ENTREP2: variants seen among roughly 807,000 people sequenced by gnomAD.
ENTREP2 encodes endosomal transmembrane epsin interactor 2, also known as protein ENTREP2.
the ENTREP2 span, among the ~76,000 whole-genome samples, chr15:29,474,894 G>A: frequency 2.0e-5 from 3 of 151,940 alleles, no homozygotes; most frequent in Non-Finnish European, 4.4e-5. Context: ...TGTAGATGTC[G>A]TATCTTGCTC....
At chr15:29,661,407 G>A in the ENTREP2 span, among the ~76,000 whole-genome samples, 1 of 151,990 alleles carries the variant, frequency 6.6e-6, no homozygotes, top group South Asian at 2.1e-4. Context: ...CAGCATGTTG[G>A]CCAGGCTGGT....
At chr15:29,619,528 C>A in the ENTREP2 span, among the ~76,000 whole-genome samples, 1 of 152,054 alleles carries the variant, frequency 6.6e-6, no homozygotes, top group Non-Finnish European at 1.5e-5. Flanking sequence ...CTGGGACACA[C>A]ACAAACCCAG....
the ENTREP2 span, among the ~76,000 whole-genome samples, chr15:29,257,339 C>T: frequency 5.3e-5 from 8 of 152,306 alleles, no homozygotes; most frequent in African/African-American, 1.9e-4. Context: ...TCCCAAAGTG[C>T]TGGGATTACA....
the ENTREP2 span, chr15:29,151,868 C>T: frequency 6.6e-7 from 1 of 1,512,012 alleles, no homozygotes; most frequent in Non-Finnish European, 9.0e-7. Context: ...AGGAGAATGT[C>T]AGCCTCATCC....
At chr15:29,196,365 G>T in the ENTREP2 span, 2 of 1,516,534 alleles carry the variant, frequency 1.3e-6, no homozygotes, top group Non-Finnish European at 1.8e-6. Context: ...TGTTAATAAG[G>T]CTTCCTAAAC....
At chr15:29,483,093 T>C in the ENTREP2 span, among the ~76,000 whole-genome samples, 2 of 152,264 alleles carry the variant, frequency 1.3e-5, no homozygotes, top group Non-Finnish European at 1.5e-5. Flanking sequence ...TAATGATATA[T>C]GATGTTGAAC....
chr15:29,184,417 G>T, the ENTREP2 span, among the ~76,000 whole-genome samples: 1 of 152,152 alleles, frequency 6.6e-6, no homozygotes, highest in Non-Finnish European at 1.5e-5. Flanking sequence ...GCTCTGCTGC[G>T]ATTCTTCAGG....
chr15:29,570,945 G>GCCGC, the ENTREP2 span, among the ~76,000 whole-genome samples: 45 of 144,662 alleles, frequency 3.1e-4, no homozygotes, highest in African/African-American at 7.2e-4. Flanking sequence ...CCGCCGCCGC[G>GCCGC]CCGCCCGCCC....
the ENTREP2 span, among the ~76,000 whole-genome samples, chr15:29,591,832 G>GAGAGGAAGAAGAAGA: frequency 7.1e-6 from 1 of 140,100 alleles, no homozygotes; most frequent in African/African-American, 2.7e-5. Flanking sequence ...CATCTCAAAA[G>GAGAGGAAGAAGAAGA]AGAAGAAGAA....
the ENTREP2 span, among the ~76,000 whole-genome samples, chr15:29,303,191 C>T: frequency 2.6e-5 from 4 of 152,328 alleles, no homozygotes; most frequent in East Asian, 5.8e-4. Context: ...TCCTTCTCAG[C>T]CCCAGGCATA....
At chr15:29,367,147 G>A in the ENTREP2 span, among the ~76,000 whole-genome samples, 2 of 152,128 alleles carry the variant, frequency 1.3e-5, no homozygotes, top group Admixed American at 1.3e-4. Flanking sequence ...GCTGAATCTC[G>A]GTAAGAACAG....
chr15:29,511,161 C>T, the ENTREP2 span, among the ~76,000 whole-genome samples: 1 of 151,858 alleles, frequency 6.6e-6, no homozygotes, highest in African/African-American at 2.4e-5. Flanking sequence ...TGCAGGTCTG[C>T]ACATGTATCC....
chr15:29,230,942 G>A, the ENTREP2 span, among the ~76,000 whole-genome samples: 1 of 152,178 alleles, frequency 6.6e-6, no homozygotes, highest in East Asian at 1.9e-4. Context: ...GCTGCTGGTA[G>A]AGAATAGATT....
the ENTREP2 span, among the ~76,000 whole-genome samples, chr15:29,480,061 G>A: frequency 6.6e-6 from 1 of 152,112 alleles, no homozygotes; most frequent in Non-Finnish European, 1.5e-5. Context: ...GGGCTGCACT[G>A]ATGTGATCTG....
the ENTREP2 span, among the ~76,000 whole-genome samples, chr15:29,496,961 TC>T: frequency 6.6e-6 from 1 of 152,174 alleles, no homozygotes; most frequent in South Asian, 2.1e-4. Flanking sequence ...GAATATGCCC[TC>T]CAAAGTTAAT....
the ENTREP2 span, among the ~76,000 whole-genome samples, chr15:29,372,019 G>A: frequency 3.9e-5 from 6 of 152,078 alleles, no homozygotes; most frequent in Non-Finnish European, 8.8e-5. Flanking sequence ...TCCAATAGAC[G>A]AATAACTAGA....
chr15:29,225,872 A>G, the ENTREP2 span, among the ~76,000 whole-genome samples: 1 of 152,188 alleles, frequency 6.6e-6, no homozygotes, highest in Admixed American at 6.5e-5. Flanking sequence ...CCAGGTGCTC[A>G]GAGAGGTATT....
the ENTREP2 span, among the ~76,000 whole-genome samples, chr15:29,608,988 G>GACTCTTTCTGATCATCCTCCATAA: frequency 7.4e-6 from 1 of 135,752 alleles, no homozygotes; most frequent in Non-Finnish European, 1.6e-5. Flanking sequence ...GTATATCTGG[G>GACTCTTTCTGATCATCCTCCATAA]GTTCTTCTGT....
chr15:29,160,741 C>T, the ENTREP2 span, among the ~76,000 whole-genome samples: 9 of 146,432 alleles, frequency 6.1e-5, 1 homozygote, highest in South Asian at 2.0e-3. Context: ...AAAATCAGGA[C>T]GTTGATACCT....
Sources: allele counts gnomAD v4.1 joint callset (sites outside exome capture counted in the v4.1 genomes callset), GRCh38; gene constraint gnomAD v4.1.1; transcripts MANE v1.5; gene names NCBI Gene and HGNC (gene_info 2026-07-23, HGNC 2026-07-21).